Variants in NR3C2 observed in about 807,000 individuals in gnomAD.
NR3C2 encodes mineralocorticoid receptor.
Under a neutral mutation model 86.4 loss-of-function variants are expected in NR3C2, and 15 were observed. The observed-to-expected ratio is 0.17, with a 90% CI of 0.12 to 0.27. The LOEUF is 0.27. Among genes scored for constraint, NR3C2 ranks in the 10% least tolerant of loss-of-function variants. The pLI is 1.00. For missense variants in NR3C2, 960 were observed against 1,195.6 expected (o/e 0.80, Z 2.91); for synonymous variants, 458 against 450.5 (o/e 1.02, Z -0.21).
intron 3 of NR3C2, among the ~76,000 whole-genome samples, chr4:148,229,086 C>G (rs186045858): frequency 1.3e-5 from 2 of 152,188 alleles, no homozygotes; most frequent in Admixed American, 1.3e-4. Flanking sequence ...ACCATCTCCA[C>G]AGCCTTTTGC....
At chr4:148,154,014 CTT>C (rs5862828) in intron 5 of NR3C2, among the ~76,000 whole-genome samples, 2 of 145,208 alleles carry the variant, frequency 1.4e-5, no homozygotes, top group African/African-American at 2.5e-5. Context: ...TTTTTAATTT[CTT>C]TTTTTTTTTT....
At chr4:148,434,471 A>G (rs967553732) in intron 2 of NR3C2, among the ~76,000 whole-genome samples, 2 of 152,220 alleles carry the variant, frequency 1.3e-5, no homozygotes, top group Non-Finnish European at 2.9e-5. Context: ...CAATATAAGT[A>G]AGAAAGCAAG....
chr4:148,241,292 C>A (rs1381211031), intron 3 of NR3C2, among the ~76,000 whole-genome samples: 1 of 63,840 alleles, frequency 1.6e-5, no homozygotes, highest in Non-Finnish European at 2.7e-5. Flanking sequence ...GAAGACAGAG[C>A]AAAACTCTGT....
In NR3C2 at chr4:148,157,003, C is replaced by T. The variant is rs532360311; in HGVS notation, c.2015-2102G>A. On this transcript the variant is annotated intron_variant, in intron 4 of 8. Transcript: ENST00000358102. ...AAAAAGGATGAGTTCATGTCCTTTA[C>T]AGGGACATGGATGAAATTGGAAATC... 1.4e-4 allele frequency among the ~76,000 whole-genome samples: 22 copies of T among 151,766 alleles called. No individual in the cohort carries two copies. The South Asian group carries it at 4.6e-3, about 32-fold the overall frequency.
chr4:148,227,350 A>G (rs1272750684), intron 3 of NR3C2, among the ~76,000 whole-genome samples: 2 of 152,176 alleles, frequency 1.3e-5, no homozygotes, highest in South Asian at 4.1e-4. Flanking sequence ...TTCTCAGTGC[A>G]CAATTCCAGG....
rs370423472 is a variant in NR3C2, at chr4:148,164,586, C to G, written c.2015-9685G>C. ...AATACATTTAAAATAAGAAAAATAG[C>G]ACTATGATAGCTGTAGTCACACAGC... On this transcript the variant is annotated intron_variant, in intron 4 of 8. Transcript: ENST00000358102. Among the ~76,000 whole-genome samples the G allele has an allele frequency of 5.3e-5, 8 of 152,216 alleles. No homozygotes were observed. In the East Asian group the frequency reaches 1.2e-3, roughly 22 times the overall value.
At chr4:148,303,405 T>C (rs1742441458) in intron 2 of NR3C2, among the ~76,000 whole-genome samples, 1 of 152,080 alleles carries the variant, frequency 6.6e-6, no homozygotes, top group Admixed American at 6.5e-5. Flanking sequence ...AGGGTGCCTA[T>C]CATCCAGAGG....
At chr4:148,297,689 T>C (rs1467978458) in intron 2 of NR3C2, among the ~76,000 whole-genome samples, 1 of 152,170 alleles carries the variant, frequency 6.6e-6, no homozygotes, top group Non-Finnish European at 1.5e-5. Flanking sequence ...TATATCAGTA[T>C]ATCTTAAATA....
intron 2 of NR3C2, among the ~76,000 whole-genome samples, chr4:148,413,186 A>T (rs549223733): frequency 6.6e-6 from 1 of 152,300 alleles, no homozygotes; most frequent in East Asian, 1.9e-4. Context: ...ACTCTTCGTA[A>T]GTCACAGGGT....
intron 2 of NR3C2, among the ~76,000 whole-genome samples, chr4:148,274,947 C>T (rs1322591772): frequency 6.6e-6 from 1 of 152,046 alleles, no homozygotes; most frequent in Non-Finnish European, 1.5e-5. Flanking sequence ...ATCCACTTGC[C>T]TCCGCCTCCC....
At chr4:148,314,418 G>C (rs1743063432) in intron 2 of NR3C2, among the ~76,000 whole-genome samples, 1 of 152,094 alleles carries the variant, frequency 6.6e-6, no homozygotes. Context: ...CATCGGAAAG[G>C]TGCTGTGCAT....
intron 6 of NR3C2, 73 bp from the exon 7 acceptor site, chr4:148,120,361 G>A: frequency 6.3e-7 from 1 of 1,582,018 alleles, no homozygotes; most frequent in Non-Finnish European, 8.7e-7. Context: ...GCCTGAGGCA[G>A]CTTAATAAGA....
intron 8 of NR3C2, among the ~76,000 whole-genome samples, chr4:148,095,305 C>A (rs192350199): frequency 2.6e-5 from 4 of 152,356 alleles, no homozygotes; most frequent in Admixed American, 2.6e-4. Flanking sequence ...TGCTTTTTCC[C>A]TGTCTGGTTA....
chr4:148,412,988 A>C (rs1324493991), intron 2 of NR3C2, among the ~76,000 whole-genome samples: 2 of 152,242 alleles, frequency 1.3e-5, no homozygotes, highest in East Asian at 3.8e-4. Flanking sequence ...AAAGAAGTTT[A>C]AGACAGCAAT....
At chr4:148,317,062 G>A (rs1240161616) in intron 2 of NR3C2, among the ~76,000 whole-genome samples, 1 of 152,074 alleles carries the variant, frequency 6.6e-6, no homozygotes, top group Non-Finnish European at 1.5e-5. Context: ...CAAAGTGCTG[G>A]GATTACAGGC....
chr4:148,240,135 C>A (rs987205842), intron 3 of NR3C2, among the ~76,000 whole-genome samples: 3 of 151,304 alleles, frequency 2.0e-5, no homozygotes, highest in Non-Finnish European at 4.4e-5. Context: ...TTAACCCAAC[C>A]TAGCCAAAAT....
intron 2 of NR3C2, among the ~76,000 whole-genome samples, chr4:148,424,760 C>T (rs915020065): frequency 3.3e-5 from 5 of 151,218 alleles, no homozygotes; most frequent in African/African-American, 9.7e-5. Context: ...GTGGTCACTA[C>T]GGTTTGGGAG....
intron 2 of NR3C2, among the ~76,000 whole-genome samples, chr4:148,352,613 G>C (rs1379523196): frequency 6.6e-6 from 1 of 152,016 alleles, no homozygotes; most frequent in Non-Finnish European, 1.5e-5. Flanking sequence ...ATGTACATTT[G>C]GTCGCTGATC....
chr4:148,102,895 C>T (rs1182355759), intron 8 of NR3C2, among the ~76,000 whole-genome samples: 1 of 152,154 alleles, frequency 6.6e-6, no homozygotes, highest in Non-Finnish European at 1.5e-5. Flanking sequence ...GTGGAAATGG[C>T]GTTGGACAGA....
Sources: gnomAD v4.1 joint callset for allele counts (sites outside exome capture counted in the v4.1 genomes callset) on GRCh38, gnomAD v4.1.1 for gene constraint, MANE v1.5 for transcripts, NCBI Gene and HGNC (gene_info 2026-07-23, HGNC 2026-07-21) for gene names.